SKIL: variants seen among roughly 807,000 people sequenced by gnomAD.
SKIL encodes SKI like proto-oncogene, also known as ski-like protein.
Under a neutral mutation model 69.6 loss-of-function variants are expected in SKIL, and 20 were observed. The observed-to-expected ratio is 0.29, with a 90% confidence interval of 0.20 to 0.42. SKIL has a LOEUF of 0.42. SKIL is among the 10% of genes least tolerant of loss of function. SKIL has a pLI of 1.00. For missense variants in SKIL, 745 were observed against 783.1 expected (o/e 0.95, Z 0.58); for synonymous variants, 310 against 279.9 (o/e 1.11, Z -1.08).
At chr3:170,381,589 C>A (rs111428910) in intron 3 of SKIL, among the ~76,000 whole-genome samples, 3 of 151,766 alleles carry the variant, frequency 2.0e-5, no homozygotes, top group Non-Finnish European at 2.9e-5. Flanking sequence ...CACACCACCA[C>A]GCCCTCCTAA....
At chr3:170,369,335 G>A (rs1473528971) in intron 2 of SKIL, among the ~76,000 whole-genome samples, 2 of 152,148 alleles carry the variant, frequency 1.3e-5, no homozygotes, top group Non-Finnish European at 2.9e-5. Context: ...TCAGCCAGTA[G>A]TTTTCTCGTA....
intron 2 of SKIL, among the ~76,000 whole-genome samples, chr3:170,373,508 A>G (rs564948444): frequency 6.6e-6 from 1 of 152,248 alleles, no homozygotes; most frequent in East Asian, 1.9e-4. Flanking sequence ...AAAAGGCTTA[A>G]TTCTGATTTT....
intron 2 of SKIL, among the ~76,000 whole-genome samples, chr3:170,372,218 A>G (rs35177863): frequency 0.77 from 117,006 of 152,148 alleles, 45,779 homozygotes; most frequent in East Asian, 0.94. Flanking sequence ...TACCAACTTT[A>G]CATGGCTTTG....
rs1332971211 is a variant in SKIL, at chr3:170,394,465, T to C, written c.*2048T>C. The C allele has an allele frequency of 6.6e-6, 1 of 152,190 alleles. No individual in the cohort carries two copies. Among genetic ancestry groups the C allele is most frequent in the Non-Finnish European group, 1.5e-5 (1 of 68,038 alleles). The allele number at this position is 152,190 out of a possible 1,614,324, so 9.4% of individuals were successfully genotyped here. On this transcript the variant is annotated 3_prime_UTR_variant, in exon 7 of 7. Coordinates refer to ENST00000259119, the MANE Select transcript of SKIL (RefSeq NM_005414.5). Reference sequence around the variant, plus strand: ...AAACACCTATAATTTCATTTATATTTCTAATTCACTTGGAACCTTTCTGCT... The same window carrying C: ...AAACACCTATAATTTCATTTATATTCCTAATTCACTTGGAACCTTTCTGCT...
intron 2 of SKIL, among the ~76,000 whole-genome samples, chr3:170,374,053 T>G (rs1736912686): frequency 1.3e-5 from 2 of 152,246 alleles, no homozygotes; most frequent in Non-Finnish European, 2.9e-5. Flanking sequence ...TGAGACTGAT[T>G]AGCATCGTAT....
chr3:170,387,307 C>T (rs1008970076), intron 4 of SKIL, among the ~76,000 whole-genome samples: 1 of 152,128 alleles, frequency 6.6e-6, no homozygotes, highest in Non-Finnish European at 1.5e-5. Flanking sequence ...CAAAAATTAA[C>T]CCTATAATCC....
At chr3:170,389,872 T>C (rs545043254) in intron 4 of SKIL, among the ~76,000 whole-genome samples, 4 of 152,330 alleles carry the variant, frequency 2.6e-5, no homozygotes, top group Admixed American at 6.5e-5. Flanking sequence ...CATTTCCATA[T>C]GGATTTTAGA....
intron 4 of SKIL, among the ~76,000 whole-genome samples, chr3:170,387,886 A>G (rs966321140): frequency 8.5e-6 from 1 of 118,006 alleles, no homozygotes; most frequent in Non-Finnish European, 1.6e-5. Context: ...GTGAGCCGAG[A>G]TCCCGCCACT....
intron 1 of SKIL, chr3:170,357,978 C>T (rs1227255634): frequency 1.3e-5 from 2 of 152,424 alleles, no homozygotes; most frequent in Non-Finnish European, 2.9e-5. Context: ...TGTTCCACGG[C>T]TGATCACGCT....
At chr3:170,365,328 TA>T (rs770366391) in intron 2 of SKIL, among the ~76,000 whole-genome samples, 5 of 152,210 alleles carry the variant, frequency 3.3e-5, no homozygotes, top group Non-Finnish European at 7.3e-5. Context: ...TAACTTTTCT[TA>T]TCAATTTACC....
intron 2 of SKIL, among the ~76,000 whole-genome samples, chr3:170,364,413 T>C (rs1736403629): frequency 7.0e-6 from 1 of 143,272 alleles, no homozygotes. Flanking sequence ...AATCTCCACC[T>C]CCCAGATTCA....
chr3:170,372,316 A>G (rs1008678404), intron 2 of SKIL, among the ~76,000 whole-genome samples: 8 of 152,218 alleles, frequency 5.3e-5, no homozygotes, highest in African/African-American at 1.7e-4. Context: ...AAGTATCTCA[A>G]ACCTAAAATT....
chr3:170,380,285 G>A (rs1013746508), intron 2 of SKIL, among the ~76,000 whole-genome samples: 3 of 152,160 alleles, frequency 2.0e-5, no homozygotes, highest in African/African-American at 4.8e-5. Flanking sequence ...TAGTCTAGCC[G>A]ATTGTAGTAC....
rs765633714 is a variant in SKIL at position 170,392,356 on chromosome 3, AGAT to A, written c.2001_2003del (p.Met667del). The A allele has an allele frequency of 1.9e-6, 3 of 1,612,826 alleles. No homozygotes were observed. Among genetic ancestry groups the A allele is most frequent in the Non-Finnish European group, 2.5e-6 (3 of 1,178,878 alleles). On this transcript the variant is annotated inframe_deletion, in exon 7 of 7. Transcript: ENST00000259119. Reference sequence around the variant, plus strand: ...GAACGGGAAGCAAGACAGAAGTTAGAGATGATGATAAAAGAGCTAAAGCTGCAA... The same window carrying A: ...GAACGGGAAGCAAGACAGAAGTTAGAGATGATAAAAGAGCTAAAGCTGCAA...
chr3:170,390,159 G>A (rs1195678920), intron 4 of SKIL, 64 bp from the exon 5 acceptor site: 20 of 1,139,434 alleles, frequency 1.8e-5, no homozygotes, highest in Non-Finnish European at 2.5e-5. Context: ...TTTATGGATT[G>A]TTCTAGTGAT....
At chr3:170,386,041 C>T (rs192171350) in intron 4 of SKIL, among the ~76,000 whole-genome samples, 2 of 151,862 alleles carry the variant, frequency 1.3e-5, no homozygotes, top group East Asian at 3.9e-4. Flanking sequence ...ATCCGCCTGC[C>T]TCGGCCTCCC....
At chr3:170,363,172 CT>C (rs1560206592) in intron 2 of SKIL, among the ~76,000 whole-genome samples, 1 of 151,942 alleles carries the variant, frequency 6.6e-6, no homozygotes, top group Non-Finnish European at 1.5e-5. Context: ...TTGAAATATC[CT>C]TGCCCATTTC....
At chr3:170,372,624 T>G (rs1157979960) in intron 2 of SKIL, among the ~76,000 whole-genome samples, 6 of 152,354 alleles carry the variant, frequency 3.9e-5, no homozygotes, top group Admixed American at 3.9e-4. Flanking sequence ...GGGATTCTGT[T>G]TCTTTTGGTA....
intron 1 of SKIL, among the ~76,000 whole-genome samples, chr3:170,359,157 G>T (rs1736089558): frequency 6.6e-6 from 1 of 152,136 alleles, no homozygotes; most frequent in South Asian, 2.1e-4. Context: ...GAACTCGAAA[G>T]GCCTTTTATG....
Sources: gnomAD v4.1 joint callset for allele counts (sites outside exome capture counted in the v4.1 genomes callset) on GRCh38, gnomAD v4.1.1 for gene constraint, MANE v1.5 for transcripts, NCBI Gene and HGNC (gene_info 2026-07-23, HGNC 2026-07-21) for gene names.